The following ALKAL1 variants were observed in gnomAD, a reference collection of about 807,000 sequenced individuals.
ALKAL1 encodes ALK and LTK ligand 1.
ALKAL1 carries 23 observed loss-of-function variants against 13.5 expected under a neutral mutation model. The ratio of observed to expected loss-of-function variants is 1.70; its 90% CI spans 1.23 to 2.41. ALKAL1 has a LOEUF of 2.41. ALKAL1 is among the 30% of genes most tolerant of loss of function. The pLI, the probability that ALKAL1 is intolerant of heterozygous loss-of-function variation, is 0.00. For missense variants in ALKAL1, 181 were observed against 178.4 expected, an observed-to-expected ratio of 1.01 and a Z score of -0.08; for synonymous variants, 85 against 77.7, an observed-to-expected ratio of 1.09 and a Z score of -0.49.
rs560634452 is a variant in ALKAL1 at position 52,555,977 on chromosome 8, G to A, written c.190+9090C>T. ...AAATCCCAGGTACATTTTAAAACAC[G>A]GATGGTGGTAGATCCTGCATGGAAT... On this transcript the variant is annotated intron_variant, in intron 1 of 4. Coordinates refer to ENST00000358543, the MANE Select transcript of ALKAL1 (RefSeq NM_207413.4). Among the ~76,000 whole-genome samples the A allele has an allele frequency of 7.9e-5, 12 of 152,198 alleles. No individual in the cohort carries two copies. The East Asian group carries it at 1.2e-3, about 15-fold the overall frequency.
chr8:52,548,763 C>T (rs145009495), intron 1 of ALKAL1, among the ~76,000 whole-genome samples: 12 of 152,176 alleles, frequency 7.9e-5, no homozygotes, highest in Non-Finnish European at 1.5e-4. Context: ...GAATAAATGA[C>T]TATCTCATTC....
At chr8:52,550,203 C>T (rs1239627622) in intron 1 of ALKAL1, among the ~76,000 whole-genome samples, 3 of 152,112 alleles carry the variant, frequency 2.0e-5, no homozygotes, top group African/African-American at 7.2e-5. Flanking sequence ...GACCTAAATG[C>T]CATTTAGGCT....
At chr8:52,548,848 T>C (rs1419823353) in intron 1 of ALKAL1, among the ~76,000 whole-genome samples, 4 of 152,154 alleles carry the variant, frequency 2.6e-5, no homozygotes, top group African/African-American at 9.7e-5. Flanking sequence ...ATTGTAAGTT[T>C]ACAAAATCTT....
chr8:52,558,347 CAAAAA>C (rs398007812), intron 1 of ALKAL1, among the ~76,000 whole-genome samples: 2 of 18,876 alleles, frequency 1.1e-4, no homozygotes, highest in East Asian at 2.6e-3. Flanking sequence ...GACTCCATCT[CAAAAA>C]AAAAAAAAAA....
chr8:52,559,035 A>T (rs1033916504), intron 1 of ALKAL1, among the ~76,000 whole-genome samples: 1 of 152,080 alleles, frequency 6.6e-6, no homozygotes, highest in Non-Finnish European at 1.5e-5. Context: ...TCTTTTTAAC[A>T]ACTAGCTCTC....
chr8:52,544,678 T>C (rs1252662563), intron 1 of ALKAL1, among the ~76,000 whole-genome samples: 2 of 152,044 alleles, frequency 1.3e-5, no homozygotes, highest in African/African-American at 4.8e-5. Flanking sequence ...GTCTAATGCA[T>C]GGCAGAAGGA....
chr8:52,538,118 G>T (rs542186098), intron 4 of ALKAL1, among the ~76,000 whole-genome samples: 1 of 151,578 alleles, frequency 6.6e-6, no homozygotes, highest in Admixed American at 6.6e-5. Flanking sequence ...AAAGAGGAGT[G>T]GGGAGGCGCA....
intron 1 of ALKAL1, among the ~76,000 whole-genome samples, chr8:52,545,336 C>G (rs960227870): frequency 2.0e-5 from 3 of 152,170 alleles, no homozygotes; most frequent in Non-Finnish European, 4.4e-5. Flanking sequence ...TGAGGCTCAC[C>G]TGACACAAAT....
intron 1 of ALKAL1, among the ~76,000 whole-genome samples, chr8:52,555,103 G>A (rs568825092): frequency 2.2e-4 from 33 of 151,834 alleles, no homozygotes; most frequent in Non-Finnish European, 2.7e-4. Flanking sequence ...CCTGGGAGGC[G>A]GAGCTTGCAG....
At chr8:52,553,348 T>TA (rs113138297) in intron 1 of ALKAL1, among the ~76,000 whole-genome samples, 2 of 151,260 alleles carry the variant, frequency 1.3e-5, no homozygotes, top group African/African-American at 4.9e-5. Flanking sequence ...ACTCCATCTC[T>TA]AAAAAAAAAT....
chr8:52,554,422 T>C (rs925590667), intron 1 of ALKAL1, among the ~76,000 whole-genome samples: 13 of 152,276 alleles, frequency 8.5e-5, no homozygotes, highest in East Asian at 7.7e-4. Flanking sequence ...ACAAAGCAAC[T>C]GGGAAACTCC....
intron 1 of ALKAL1, among the ~76,000 whole-genome samples, chr8:52,558,546 C>T (rs1847507494): frequency 6.6e-6 from 1 of 151,954 alleles, no homozygotes; most frequent in South Asian, 2.1e-4. Flanking sequence ...CCTGCCCTGT[C>T]CCTCAGCCCT....
chr8:52,535,550 C>CAAAAAAAAAAAA (rs10719477), intron 4 of ALKAL1, among the ~76,000 whole-genome samples: 2 of 68,628 alleles, frequency 2.9e-5, no homozygotes, highest in African/African-American at 5.8e-5. Flanking sequence ...GACCCTGTCT[C>CAAAAAAAAAAAA]AAAAAAAAAA....
chr8:52,539,351 T>C (rs530610813), intron 3 of ALKAL1, among the ~76,000 whole-genome samples: 1 of 152,276 alleles, frequency 6.6e-6, no homozygotes, highest in South Asian at 2.1e-4. Flanking sequence ...CTTCAGTAAC[T>C]TAAGTATCCA....
intron 1 of ALKAL1, among the ~76,000 whole-genome samples, chr8:52,547,430 G>A (rs1414382454): frequency 2.0e-5 from 3 of 152,158 alleles, no homozygotes; most frequent in Non-Finnish European, 4.4e-5. Context: ...AACCTGTGAG[G>A]TGGAGGTTGT....
rs759639287 is a variant in ALKAL1 at position 52,539,831 on chromosome 8, A to G, written c.325T>C (p.Tyr109His). The G allele has an allele frequency of 4.4e-6, 7 of 1,595,378 alleles. No homozygotes were observed. The highest frequency in any genetic ancestry group is 6.0e-6 in the Non-Finnish European group (7 of 1,173,560). Reference protein sequence around the residue: ...YNTRECSTPAYYKRCARLLTR... With the variant: ...YNTRECSTPAHYKRCARLLTR... ...AAAAAAACCCACCCAAGTTACTTAC[A>G]AGCTGGCGTTGAGCACTCCCTGGTA... Residue 109 changes from tyrosine to histidine, a missense_variant and splice_region_variant, in exon 3 of 5, where the codon TAT (tyrosine) becomes CAT (histidine). Tyr to His is a moderately conservative substitution (Grantham distance 83). Transcript: ENST00000358543.
intron 1 of ALKAL1, among the ~76,000 whole-genome samples, chr8:52,549,583 T>A (rs1480327564): frequency 6.6e-6 from 1 of 152,006 alleles, no homozygotes; most frequent in Non-Finnish European, 1.5e-5. Flanking sequence ...AAGGGCCGAC[T>A]CTAGTATGAC....
intron 3 of ALKAL1, among the ~76,000 whole-genome samples, chr8:52,539,166 T>C (rs1364220475): frequency 1.3e-5 from 2 of 152,132 alleles, no homozygotes; most frequent in African/African-American, 4.8e-5. Context: ...TCAATATTCC[T>C]CAAGATGAGC....
At chr8:52,546,880 T>C (rs1209774222) in intron 1 of ALKAL1, among the ~76,000 whole-genome samples, 2 of 151,874 alleles carry the variant, frequency 1.3e-5, no homozygotes. Context: ...TGTGCTGACT[T>C]TTCTTTGCAC....
Sources: allele counts gnomAD v4.1 joint callset (sites outside exome capture counted in the v4.1 genomes callset), GRCh38; gene constraint gnomAD v4.1.1; transcripts MANE v1.5; gene names NCBI Gene and HGNC (gene_info 2026-07-23, HGNC 2026-07-21).